The following VMP1 variants were observed in gnomAD, a reference collection of about 807,000 sequenced individuals.
VMP1 encodes the protein vacuole membrane protein 1.
VMP1 carries 11 observed loss-of-function variants against 56.0 expected under a neutral mutation model. The observed-to-expected ratio is 0.20, with a 90% confidence interval of 0.12 to 0.32. The LOEUF (loss-of-function observed/expected upper bound fraction) is 0.32, where lower values mean the gene tolerates loss of function less well. Ranked by LOEUF, VMP1 falls within the 10% of genes least tolerant of loss-of-function variation. The pLI is 1.00. For missense variants in VMP1, 296 were observed against 490.3 expected (o/e 0.60, Z 3.74); for synonymous variants, 149 against 165.0 (o/e 0.90, Z 0.74).
chr17:59,777,731 G>C (rs28481419), intron 7 of VMP1, among the ~76,000 whole-genome samples: 1 of 151,920 alleles, frequency 6.6e-6, no homozygotes, highest in Non-Finnish European at 1.5e-5. Context: ...GGAGAATCGC[G>C]TGAACCCTGG....
intron 8 of VMP1, among the ~76,000 whole-genome samples, chr17:59,809,811 C>T (rs927778000): frequency 6.6e-6 from 1 of 151,868 alleles, no homozygotes; most frequent in Admixed American, 6.6e-5. Context: ...CAGCCCAATT[C>T]AACTTATTAA....
chr17:59,831,771 TA>T lies in VMP1; in HGVS notation c.975-6513del, dbSNP rs956223730. 4.1e-3 allele frequency among the ~76,000 whole-genome samples: 559 copies of T among 137,590 alleles called. 1 individual carries two copies. Among genetic ancestry groups the T allele is most frequent in the African/African-American group, 0.013 (494 of 36,776 alleles). 90.3% of individuals were successfully genotyped at this position (137,590 alleles called of 152,430 possible). ...TCAAGTCTGTGTTTTTTTCTTTAAA[TA>T]AAAAAAAAAATTTTATTTGCATTCC... On this transcript the variant is annotated intron_variant, in intron 10 of 11. Coordinates refer to ENST00000262291, the MANE Select transcript of VMP1 (RefSeq NM_030938.5).
intron 5 of VMP1, among the ~76,000 whole-genome samples, chr17:59,756,177 A>G (rs959578690): frequency 1.3e-5 from 2 of 152,200 alleles, no homozygotes; most frequent in African/African-American, 4.8e-5. Context: ...GCTGTAGACC[A>G]TAACCTTGTT....
chr17:59,722,718 C>G (rs1186425165), intron 1 of VMP1, among the ~76,000 whole-genome samples: 1 of 152,122 alleles, frequency 6.6e-6, no homozygotes. Flanking sequence ...GGGGTACATG[C>G]TTGTAATCCC....
At chr17:59,806,226 G>A (rs989386302) in intron 7 of VMP1, among the ~76,000 whole-genome samples, 16 of 152,046 alleles carry the variant, frequency 1.1e-4, no homozygotes, top group African/African-American at 2.9e-4. Flanking sequence ...ATAATAAAAT[G>A]TAATAGAAAT....
chr17:59,808,966 C>T (rs994336812), intron 8 of VMP1, 90 bp downstream of exon 8: 70 of 1,016,956 alleles, frequency 6.9e-5, no homozygotes, highest in Middle Eastern at 2.6e-4. Flanking sequence ...AAAGTGCTAT[C>T]ACTTTTATTG....
chr17:59,772,498 G>A (rs547707633), intron 6 of VMP1, among the ~76,000 whole-genome samples: 45 of 151,694 alleles, frequency 3.0e-4, no homozygotes, highest in Non-Finnish European at 5.2e-4. Flanking sequence ...GCTGGGCGTG[G>A]TGGCTCACAC....
intron 5 of VMP1, among the ~76,000 whole-genome samples, chr17:59,739,580 C>T (rs911185634): frequency 3.4e-5 from 5 of 149,010 alleles, no homozygotes; most frequent in East Asian, 2.0e-4. Flanking sequence ...AAAAATTAGC[C>T]GGACGTGGTG....
chr17:59,815,729 C>T lies in VMP1; in HGVS notation c.913-1983C>T, dbSNP rs1369555469. ...AAAATTAGCTGGGCATGGTGGCGGG[C>T]GCCTGTAGTCCCAGCTACTCAGGAG... On this transcript the variant is annotated intron_variant, in intron 9 of 11. Coordinates refer to ENST00000262291, the MANE Select transcript of VMP1 (RefSeq NM_030938.5). 7.2e-5 allele frequency among the ~76,000 whole-genome samples: 11 copies of T among 151,956 alleles called. 1 individual carries two copies. Among genetic ancestry groups the T allele is most frequent in the Admixed American group, 2.0e-4 (3 of 15,228 alleles).
intron 5 of VMP1, among the ~76,000 whole-genome samples, chr17:59,747,992 C>T (rs1258733564): frequency 6.6e-6 from 1 of 151,672 alleles, no homozygotes; most frequent in African/African-American, 2.4e-5. Context: ...GTCAGAAGAT[C>T]GAGACCATCC....
chr17:59,800,592 A>G (rs527407377), intron 7 of VMP1, among the ~76,000 whole-genome samples: 3 of 152,346 alleles, frequency 2.0e-5, no homozygotes, highest in African/African-American at 7.2e-5. Context: ...TTATTAGCTC[A>G]GTAGTTTTAA....
chr17:59,771,668 A>G (rs1443093354), intron 6 of VMP1, among the ~76,000 whole-genome samples: 1 of 141,286 alleles, frequency 7.1e-6, no homozygotes, highest in Non-Finnish European at 1.5e-5. Flanking sequence ...GTGTAGTAGC[A>G]TGATCACAGC....
rs530907168 is a variant in VMP1 at position 59,821,539 on chromosome 17, CTTTTTTTTT to C, written c.974+3781_974+3789del. Among the ~76,000 whole-genome samples the C allele has an allele frequency of 1.8e-3, 192 of 104,682 alleles. 1 individual carries two copies. The highest frequency in any genetic ancestry group is 2.8e-3 in the Non-Finnish European group (148 of 52,484). 68.7% of individuals were successfully genotyped at this position (104,682 alleles called of 152,430 possible). ...TACAGGGATTACCTCAGCTACTTTTCTTTTTTTTTTTTTTTTTTTTTTTGAGGCGGAGTT... is the reference window on the plus strand; with the variant it reads ...TACAGGGATTACCTCAGCTACTTTTCTTTTTTTTTTTTTTGAGGCGGAGTT... On this transcript the variant is annotated intron_variant, in intron 10 of 11. Transcript: ENST00000262291.
intron 9 of VMP1, among the ~76,000 whole-genome samples, chr17:59,812,853 C>T (rs1215954136): frequency 6.6e-6 from 1 of 152,058 alleles, no homozygotes; most frequent in African/African-American, 2.4e-5. Context: ...GTCTCTTGAA[C>T]CTGGGAGGTG....
intron 7 of VMP1, among the ~76,000 whole-genome samples, chr17:59,803,040 T>A (rs1276590087): frequency 6.6e-6 from 1 of 152,240 alleles, no homozygotes; most frequent in African/African-American, 2.4e-5. Context: ...CCACCGCATA[T>A]GGCCTTCTGT....
At chr17:59,751,701 G>A (rs796525170) in intron 5 of VMP1, among the ~76,000 whole-genome samples, 29 of 127,478 alleles carry the variant, frequency 2.3e-4, no homozygotes, top group African/African-American at 8.5e-4. Context: ...CCGAGATTGC[G>A]CCATTGCACT....
intron 5 of VMP1, among the ~76,000 whole-genome samples, chr17:59,752,000 A>G (rs1193597261): frequency 6.6e-6 from 1 of 151,780 alleles, no homozygotes; most frequent in African/African-American, 2.4e-5. Flanking sequence ...AGGGGTAGAA[A>G]CGGGGTCTCT....
chr17:59,817,526 A>G (rs2038286887), intron 9 of VMP1, among the ~76,000 whole-genome samples, 186 bp from the exon 10 acceptor site: 1 of 151,590 alleles, frequency 6.6e-6, no homozygotes, highest in African/African-American at 2.4e-5. Context: ...TAATTTTTGT[A>G]TTTTTAGTAG....
chr17:59,814,616 G>A (rs1321066535), intron 9 of VMP1, among the ~76,000 whole-genome samples: 1 of 152,140 alleles, frequency 6.6e-6, no homozygotes, highest in Non-Finnish European at 1.5e-5. Flanking sequence ...ATCTTGAGAG[G>A]TTGTTATTAA....
Sources: allele counts gnomAD v4.1 joint callset (sites outside exome capture counted in the v4.1 genomes callset), GRCh38; gene constraint gnomAD v4.1.1; transcripts MANE v1.5; gene names NCBI Gene and HGNC (gene_info 2026-07-23, HGNC 2026-07-21).